Variants in KCNQ5 observed in about 807,000 individuals in gnomAD.
The protein encoded by KCNQ5 is potassium voltage-gated channel subfamily Q member 5, also known as potassium voltage-gated channel subfamily KQT member 5.
In KCNQ5, 30 loss-of-function variants were observed where a neutral mutation model predicts 98.2. The observed-to-expected ratio is 0.31, with a 90% CI of 0.23 to 0.41. The LOEUF (loss-of-function observed/expected upper bound fraction) is 0.41. KCNQ5 is among the 10% of genes least tolerant of loss of function. KCNQ5 has a pLI of 1.00. For missense variants in KCNQ5, 835 were observed against 1,182.5 expected (o/e 0.71, Z 4.31); for synonymous variants, 458 against 449.4 (o/e 1.02, Z -0.24).
chr6:73,029,199 A>T (rs1054423424), intron 2 of KCNQ5, among the ~76,000 whole-genome samples: 4 of 152,336 alleles, frequency 2.6e-5, no homozygotes, highest in African/African-American at 7.2e-5. Context: ...CATCTCTATC[A>T]GAGATAAAAG....
At chr6:73,185,337 A>G (rs1486878143) in intron 11 of KCNQ5, among the ~76,000 whole-genome samples, 2 of 152,050 alleles carry the variant, frequency 1.3e-5, no homozygotes, top group Non-Finnish European at 2.9e-5. Flanking sequence ...ATGTGCCATC[A>G]TGCATGGTTA....
intron 1 of KCNQ5, among the ~76,000 whole-genome samples, chr6:72,879,518 T>C (rs1055611235): frequency 1.3e-5 from 2 of 152,234 alleles, no homozygotes; most frequent in Non-Finnish European, 2.9e-5. Context: ...TTACCATGTA[T>C]GTTAATATAC....
intron 1 of KCNQ5, among the ~76,000 whole-genome samples, chr6:72,900,592 C>A (rs9360614): frequency 6.7e-6 from 1 of 149,744 alleles, no homozygotes; most frequent in Non-Finnish European, 1.5e-5. Context: ...TTTGCAGTTG[C>A]GAATTGTGCT....
chr6:72,622,538 A>C lies in KCNQ5; in HGVS notation c.349A>C (p.Asn117His). 1 of 1,611,482 alleles carries C rather than the reference A, an allele frequency of 6.2e-7. No homozygotes were observed. Among genetic ancestry groups the C allele is most frequent in the Non-Finnish European group, 8.5e-7 (1 of 1,179,160 alleles). The stretch of plus-strand genomic sequence containing the variant: ...CCGGCGGGTGCAGAACTACCTGTAC[A>C]ACGTGCTGGAGAGACCCCGCGGCTG... ...KYRRVQNYLY[N>H]VLERPRGWAF... The change falls in exon 1 of 14, where the codon AAC (asparagine) becomes CAC (histidine). Residue 117 changes from asparagine to histidine, a missense_variant. Asn to His is a moderately conservative substitution (Grantham distance 68, BLOSUM62 1). Transcript: ENST00000370398. The surrounding 1 kb of genome is among the most constrained non-coding windows in gnomAD (Gnocchi z 6.0).
At chr6:72,651,998 T>A (rs1765898822) in intron 1 of KCNQ5, among the ~76,000 whole-genome samples, 1 of 152,042 alleles carries the variant, frequency 6.6e-6, no homozygotes, top group Non-Finnish European at 1.5e-5. Context: ...TGACGGTGGT[T>A]AGGGTAAGAA....
At chr6:72,831,752 T>A (rs1369133707) in intron 1 of KCNQ5, among the ~76,000 whole-genome samples, 1 of 138,394 alleles carries the variant, frequency 7.2e-6, no homozygotes, top group Non-Finnish European at 1.6e-5. Context: ...AAAATAAAAT[T>A]AACAGAAAAA....
At chr6:72,757,103 T>C (rs1192460863) in intron 1 of KCNQ5, among the ~76,000 whole-genome samples, 1 of 152,158 alleles carries the variant, frequency 6.6e-6, no homozygotes. Flanking sequence ...GATCAAATAT[T>C]GTGAAGAAAT....
intron 1 of KCNQ5, among the ~76,000 whole-genome samples, chr6:72,786,277 A>G (rs557590711): frequency 8.5e-5 from 13 of 152,354 alleles, no homozygotes; most frequent in Admixed American, 8.5e-4. Context: ...TAGAGCTTAC[A>G]GACTATAAAT....
chr6:72,769,352 CAAAAT>C (rs1772740956), intron 1 of KCNQ5, among the ~76,000 whole-genome samples: 1 of 151,900 alleles, frequency 6.6e-6, no homozygotes, highest in Non-Finnish European at 1.5e-5. Flanking sequence ...AATAAAGTAT[CAAAAT>C]AAATCTAAGC....
chr6:73,056,403 A>T (rs954555355), intron 3 of KCNQ5, among the ~76,000 whole-genome samples: 43 of 82,316 alleles, frequency 5.2e-4, no homozygotes, highest in African/African-American at 4.5e-3. Flanking sequence ...CTTTTATTTA[A>T]AAAAAAAAAA....
chr6:72,640,444 G>C (rs958005614), intron 1 of KCNQ5, among the ~76,000 whole-genome samples: 2 of 151,870 alleles, frequency 1.3e-5, no homozygotes, highest in African/African-American at 4.8e-5. Flanking sequence ...TGTGTTCAAC[G>C]AATAAATAAG....
intron 1 of KCNQ5, among the ~76,000 whole-genome samples, chr6:72,670,230 G>T (rs1360591871): frequency 6.6e-6 from 1 of 152,030 alleles, no homozygotes; most frequent in Non-Finnish European, 1.5e-5. Flanking sequence ...GACCTTTAAC[G>T]TCCATATTTT....
chr6:72,806,860 T>C, intron 1 of KCNQ5: 1 of 447,844 alleles, frequency 2.2e-6, no homozygotes, highest in Non-Finnish European at 4.5e-6. Context: ...AATTTTCAGT[T>C]TCGTTTTTCT....
chr6:72,893,926 C>G (rs1037289251), intron 1 of KCNQ5, among the ~76,000 whole-genome samples: 1 of 152,164 alleles, frequency 6.6e-6, no homozygotes, highest in African/African-American at 2.4e-5. Flanking sequence ...AGCAGGGATT[C>G]TCATCCTTTC....
chr6:72,643,627 T>C (rs545476418), intron 1 of KCNQ5, among the ~76,000 whole-genome samples: 2 of 152,222 alleles, frequency 1.3e-5, no homozygotes, highest in East Asian at 3.9e-4. Flanking sequence ...ACAGTAAGTG[T>C]CTGCAAATAT....
At chr6:72,987,759 G>T in intron 1 of KCNQ5, 1 of 476,208 alleles carries the variant, frequency 2.1e-6, no homozygotes. Context: ...AAACTCTAGA[G>T]TTTTGTCCCC....
intron 5 of KCNQ5, among the ~76,000 whole-genome samples, chr6:73,082,411 A>G (rs912356851): frequency 6.6e-6 from 1 of 152,206 alleles, no homozygotes; most frequent in African/African-American, 2.4e-5. Context: ...TATTATAAAG[A>G]TCATACTCAA....
At chr6:72,773,545 T>A (rs2154477547) in intron 1 of KCNQ5, among the ~76,000 whole-genome samples, 1 of 152,264 alleles carries the variant, frequency 6.6e-6, no homozygotes, top group East Asian at 1.9e-4. Context: ...GGCATGTGTA[T>A]ACCTGTGTAA....
At chr6:73,146,757 A>G (rs1194913956) in intron 10 of KCNQ5, among the ~76,000 whole-genome samples, 1 of 151,982 alleles carries the variant, frequency 6.6e-6, no homozygotes, top group Non-Finnish European at 1.5e-5. Context: ...AGTGATCTGA[A>G]TGTGATTGAC....
Sources: gnomAD v4.1 joint callset for allele counts (sites outside exome capture counted in the v4.1 genomes callset) on GRCh38, gnomAD v4.1.1 for gene constraint, Gnocchi (gnomAD v3.1) non-coding constraint, MANE v1.5 for transcripts, NCBI Gene and HGNC (gene_info 2026-07-23, HGNC 2026-07-21) for gene names.